STEAP3: variants seen among roughly 807,000 people sequenced by gnomAD.
STEAP3 encodes the protein metalloreductase STEAP3.
Under a neutral mutation model 34.9 loss-of-function variants are expected in STEAP3, and 35 were observed. The ratio of observed to expected loss-of-function variants is 1.00; its 90% CI spans 0.76 to 1.33. STEAP3 has a LOEUF of 1.33. Ranked by LOEUF, STEAP3 falls within the 40% of genes most tolerant of loss-of-function variation. The pLI, the probability that STEAP3 is intolerant of heterozygous loss-of-function variation, is 0.00. For missense variants in STEAP3, 652 were observed against 667.6 expected (o/e 0.98, Z 0.26); for synonymous variants, 281 against 301.6 (o/e 0.93, Z 0.71).
rs375189077 is a variant in STEAP3, at chr2:119,247,712, C to T, written c.556C>T (p.Arg186Cys). 29 of 1,553,526 alleles carry T rather than the reference C, an allele frequency of 1.9e-5. No individual in the cohort carries two copies. Among genetic ancestry groups the T allele is most frequent in the Non-Finnish European group, 2.3e-5 (27 of 1,153,378 alleles). ...CTGCGGTGACCAGCCAGAAGCCAAG[C>T]GTGCTGTCTCGGAGATGGCGCTCGC... ...PICGDQPEAK[R>C]AVSEMALAMG... The change falls in exon 4 of 6, where the codon CGT (arginine) becomes TGT (cysteine). Residue 186 changes from arginine (R) to cysteine (C), a missense_variant. Physicochemically the swap from Arg to Cys is radical, Grantham distance 180. Transcript: ENST00000393110.
intron 3 of STEAP3, 194 bp downstream of exon 3, chr2:119,246,182 T>C (rs964231481): frequency 1.2e-6 from 1 of 806,544 alleles, no homozygotes; most frequent in Admixed American, 3.0e-5. Context: ...AGCTGGTAAG[T>C]TGGGATTTGA....
chr2:119,243,273 T>G (rs80059583), intron 2 of STEAP3, among the ~76,000 whole-genome samples: 245 of 152,316 alleles, frequency 1.6e-3, no homozygotes, highest in Non-Finnish European at 3.1e-3. Flanking sequence ...CTCTTGACAT[T>G]GAGAATGCAC....
At chr2:119,254,167 C>T (rs911040826) in intron 4 of STEAP3, among the ~76,000 whole-genome samples, 1 of 151,518 alleles carries the variant, frequency 6.6e-6, no homozygotes, top group Non-Finnish European at 1.5e-5. Context: ...GGAAGGGAAG[C>T]AGCCAGTAAG....
At position 119,245,469 on chromosome 2, in the gene STEAP3, G is replaced by C. The variant is rs758081397; in HGVS notation, c.23-20G>C. Reference sequence around the variant, plus strand: ...AGTCCAGGAGCCCTCCACTGACCAGGTTCCTGACTTCTCTTGCAGCCACCA... The same window carrying C: ...AGTCCAGGAGCCCTCCACTGACCAGCTTCCTGACTTCTCTTGCAGCCACCA... On this transcript the variant is annotated intron_variant, in intron 2 of 5. Coordinates refer to ENST00000393110, the MANE Select transcript of STEAP3 (RefSeq NM_182915.3). 3.8e-6 allele frequency: 6 copies of C among 1,561,880 alleles called. No homozygotes were observed. The highest frequency in any genetic ancestry group is 5.2e-6 in the Non-Finnish European group (6 of 1,149,072).
At chr2:119,242,339 T>C (rs1677271556) in intron 2 of STEAP3, among the ~76,000 whole-genome samples, 1 of 152,170 alleles carries the variant, frequency 6.6e-6, no homozygotes, top group South Asian at 2.1e-4. Flanking sequence ...CTCCCTGTGG[T>C]TGGGGACAGG....
At position 119,230,783 on chromosome 2, in the gene STEAP3, CCAAG is replaced by C. The variant is rs1389360759; in HGVS notation, c.-227_-224del. 1.8e-5 allele frequency: 11 copies of C among 616,228 alleles called. No individual in the cohort carries two copies. Among genetic ancestry groups the C allele is most frequent in the Admixed American group, 5.1e-5 (2 of 38,856 alleles). The allele number at this position is 616,228 out of a possible 1,614,324, so 38.2% of individuals were successfully genotyped here. ...TGCGCTCTCTCAGTGCACTCTCCAA[CCAAG>C]CATCAGTCACCACTCCCGGTCCAGC... On this transcript the variant is annotated 5_prime_UTR_variant, in exon 2 of 6. Coordinates refer to ENST00000393110, the MANE Select transcript of STEAP3 (RefSeq NM_182915.3).
At chr2:119,233,768 C>T (rs1001708523) in intron 2 of STEAP3, among the ~76,000 whole-genome samples, 5 of 152,194 alleles carry the variant, frequency 3.3e-5, no homozygotes, top group Admixed American at 1.3e-4. Context: ...TCCTCCCTGT[C>T]CTAGGCCCAG....
intron 2 of STEAP3, among the ~76,000 whole-genome samples, 159 bp downstream of exon 2, chr2:119,231,193 TG>T (rs1194642889): frequency 1.3e-5 from 2 of 152,194 alleles, no homozygotes; most frequent in Non-Finnish European, 2.9e-5. Flanking sequence ...TGTACTGCCT[TG>T]GAACAGGCTG....
intron 1 of STEAP3, among the ~76,000 whole-genome samples, chr2:119,224,453 TGGCAAAGTTCCCCCTCCTGCCC>T (rs1443059140): frequency 6.6e-6 from 1 of 152,186 alleles, no homozygotes; most frequent in Admixed American, 6.5e-5. Flanking sequence ...AGCCCTTGCC[TGGCAAAGTTCCCCCTCCTGCCC>T]GGCAAAGCTC....
chr2:119,235,133 A>C (rs569729744), intron 2 of STEAP3, among the ~76,000 whole-genome samples: 1 of 152,150 alleles, frequency 6.6e-6, no homozygotes, highest in Non-Finnish European at 1.5e-5. Context: ...TCCTCTCCCC[A>C]GCCTGCAGTG....
chr2:119,230,995 G>A lies in STEAP3; in HGVS notation c.-18G>A, dbSNP rs898040191. 1 of 1,614,142 alleles carries A rather than the reference G, an allele frequency of 6.2e-7. No individual in the cohort carries two copies. The highest frequency in any genetic ancestry group is 8.5e-7 in the Non-Finnish European group (1 of 1,179,954). On this transcript the variant is annotated 5_prime_UTR_variant, in exon 2 of 6. Transcript: ENST00000393110. The stretch of plus-strand genomic sequence containing the variant: ...GCTGTCGAGTGACCTGAGAGCCTCA[G>A]ACCCTCACGTCAGCCGGATGTCGCA...
At chr2:119,237,068 T>G (rs1459988924) in intron 2 of STEAP3, among the ~76,000 whole-genome samples, 1 of 152,238 alleles carries the variant, frequency 6.6e-6, no homozygotes, top group Non-Finnish European at 1.5e-5. Context: ...AGAGCCACTG[T>G]GCTAGTGTGG....
Position 119,264,897 on chromosome 2 carries a change from T to C in STEAP3, c.*1559T>C, listed in dbSNP as rs915955647. On this transcript the variant is annotated 3_prime_UTR_variant, in exon 6 of 6. Transcript: ENST00000393110. The stretch of plus-strand genomic sequence containing the variant: ...GCAGGAGAAGAGCCCACTGCAAGGA[T>C]AGCTCATTAGGCACATGACCGATGC... The C allele has an allele frequency of 6.6e-6, 1 of 151,708 alleles. No homozygotes were observed. 9.4% of individuals were successfully genotyped at this position (151,708 alleles called of 1,614,324 possible). A position where few individuals can be genotyped will look rare whatever the true frequency, so the allele number is the denominator to read the frequency against.
At chr2:119,226,216 G>A (rs1424785808) in intron 1 of STEAP3, among the ~76,000 whole-genome samples, 1 of 152,198 alleles carries the variant, frequency 6.6e-6, no homozygotes, top group Admixed American at 6.5e-5. Flanking sequence ...TGAGATTCAG[G>A]CAGGCTGGGG....
At chr2:119,234,445 G>T (rs928632536) in intron 2 of STEAP3, among the ~76,000 whole-genome samples, 23 of 152,224 alleles carry the variant, frequency 1.5e-4, no homozygotes, top group Non-Finnish European at 2.9e-4. Context: ...CCACAAGCCA[G>T]CTCCCTGGCC....
intron 1 of STEAP3, among the ~76,000 whole-genome samples, chr2:119,226,778 C>A (rs2104783531): frequency 6.6e-6 from 1 of 152,290 alleles, no homozygotes; most frequent in Middle Eastern, 3.4e-3. Context: ...CAGTCCTCAT[C>A]ACTGACATTC....
intron 2 of STEAP3, among the ~76,000 whole-genome samples, chr2:119,242,774 T>C (rs1677287102): frequency 6.6e-6 from 1 of 152,180 alleles, no homozygotes; most frequent in Admixed American, 6.5e-5. Flanking sequence ...CTGAGAAAAC[T>C]GAGGCACAGA....
chr2:119,260,927 C>T (rs1677923546), intron 5 of STEAP3, among the ~76,000 whole-genome samples: 1 of 152,070 alleles, frequency 6.6e-6, no homozygotes, highest in African/African-American at 2.4e-5. Context: ...CCAAGAAGAA[C>T]CAGAGAGGGT....
At chr2:119,233,620 T>C (rs2104796563) in intron 2 of STEAP3, among the ~76,000 whole-genome samples, 1 of 152,344 alleles carries the variant, frequency 6.6e-6, no homozygotes, top group African/African-American at 2.4e-5. Flanking sequence ...TACTGTGTGC[T>C]AGGCCCCGGT....
Sources: allele counts gnomAD v4.1 joint callset (sites outside exome capture counted in the v4.1 genomes callset), GRCh38; gene constraint gnomAD v4.1.1; transcripts MANE v1.5; gene names NCBI Gene and HGNC (gene_info 2026-07-23, HGNC 2026-07-21).